The following GPCPD1 variants were observed in gnomAD, a reference collection of about 807,000 sequenced individuals.
The protein encoded by GPCPD1 is glycerophosphocholine phosphodiesterase GPCPD1.
In GPCPD1, 29 loss-of-function variants were observed where a neutral mutation model predicts 89.2. The ratio of observed to expected loss-of-function variants is 0.33; its 90% CI spans 0.24 to 0.44. GPCPD1 has a LOEUF of 0.44. Among genes scored for constraint, GPCPD1 ranks in the 20% least tolerant of loss-of-function variants. The pLI is 1.00. For missense variants in GPCPD1, 594 were observed against 808.9 expected, an observed-to-expected ratio of 0.73 and a Z score of 3.22; for synonymous variants, 258 against 266.3, an observed-to-expected ratio of 0.97 and a Z score of 0.30.
intron 19 of GPCPD1, among the ~76,000 whole-genome samples, chr20:5,554,403 T>C (rs1443981611): frequency 6.6e-6 from 1 of 152,162 alleles, no homozygotes; most frequent in Non-Finnish European, 1.5e-5. Context: ...AGGCTGCTTC[T>C]CTTGTTAGGG....
chr20:5,595,300 A>G (rs1231886039), intron 3 of GPCPD1, among the ~76,000 whole-genome samples: 1 of 152,028 alleles, frequency 6.6e-6, no homozygotes, highest in African/African-American at 2.4e-5. Flanking sequence ...GTATAATAAT[A>G]AAAAATAAAT....
chr20:5,604,774 TACACACACAC>T (rs11466989), intron 1 of GPCPD1, among the ~76,000 whole-genome samples: 5 of 139,176 alleles, frequency 3.6e-5, no homozygotes, highest in African/African-American at 8.2e-5. Context: ...GCCTCATGTC[TACACACACAC>T]ACACACACAC....
intron 11 of GPCPD1, among the ~76,000 whole-genome samples, chr20:5,572,626 A>G (rs1233335754): frequency 6.6e-6 from 1 of 152,250 alleles, no homozygotes; most frequent in African/African-American, 2.4e-5. Flanking sequence ...CACTGTGGAA[A>G]AAGTGGAAAT....
intron 11 of GPCPD1, 91 bp downstream of exon 11, chr20:5,573,824 T>C (rs1986856203): frequency 2.5e-6 from 2 of 795,534 alleles, no homozygotes; most frequent in Non-Finnish European, 4.5e-6. Flanking sequence ...TGCCAAGAGA[T>C]ATTCCCCTAA....
intron 4 of GPCPD1, among the ~76,000 whole-genome samples, chr20:5,592,262 T>C (rs573419339): frequency 2.9e-4 from 44 of 152,324 alleles, no homozygotes; most frequent in African/African-American, 1.0e-3. Flanking sequence ...GCTTAAGTTA[T>C]ACTAAAGAAC....
At chr20:5,596,883 C>A (rs1300670781) in intron 3 of GPCPD1, among the ~76,000 whole-genome samples, 3 of 152,220 alleles carry the variant, frequency 2.0e-5, no homozygotes, top group Admixed American at 1.3e-4. Context: ...TGAATCAATT[C>A]TATTTCATTG....
intron 10 of GPCPD1, among the ~76,000 whole-genome samples, chr20:5,574,295 T>C (rs181227815): frequency 2.3e-4 from 35 of 152,250 alleles, no homozygotes; most frequent in Non-Finnish European, 3.5e-4. Flanking sequence ...AATAGAGACA[T>C]AGAAACCTGC....
At chr20:5,549,470 T>C (rs1176003147) in intron 19 of GPCPD1, 1 of 1,212,334 alleles carries the variant, frequency 8.2e-7, no homozygotes, top group African/African-American at 1.5e-5. Flanking sequence ...TAAAAATAGG[T>C]TTGTTGTTTA....
rs753145926 is a variant in GPCPD1, at chr20:5,561,607, A to G, written c.1330-77T>C. On this transcript the variant is annotated intron_variant, in intron 15 of 19. Transcript: ENST00000379019. ...ATAAGAAAACAAAAAAAATACAATT[A>G]TTACTAAAAATAATAAGAATTTATC... The G allele has an allele frequency of 6.1e-6, 4 of 655,526 alleles. 1 individual carries two copies. The highest frequency in any genetic ancestry group is 1.1e-5 in the Non-Finnish European group (4 of 372,120). 40.6% of individuals were successfully genotyped at this position (655,526 alleles called of 1,614,324 possible). A position where few individuals can be genotyped will look rare whatever the true frequency, so the allele number is the denominator to read the frequency against.
intron 19 of GPCPD1, chr20:5,549,065 C>T: frequency 3.1e-6 from 2 of 650,196 alleles, no homozygotes; most frequent in Non-Finnish European, 2.8e-6. Flanking sequence ...CAACCATATC[C>T]AGTTGTCTAG....
chr20:5,591,742 G>A (rs1457177365), intron 4 of GPCPD1, among the ~76,000 whole-genome samples: 2 of 152,118 alleles, frequency 1.3e-5, no homozygotes, highest in African/African-American at 4.8e-5. Flanking sequence ...CTTTTTTAAA[G>A]TGTCACATTA....
rs766857383 is a variant in GPCPD1, at chr20:5,584,342, G to C, written c.308-20C>G. On this transcript the variant is annotated intron_variant, in intron 5 of 19. Coordinates refer to ENST00000379019, the MANE Select transcript of GPCPD1 (RefSeq NM_019593.5). The stretch of plus-strand genomic sequence containing the variant: ...CGCTTTCTAGAATTTAAGGAAAATA[G>C]AAAATTTAGTTAAAACTCTTGATGC... 4.2e-6 allele frequency: 5 copies of C among 1,181,334 alleles called. No individual in the cohort carries two copies. In the East Asian group the frequency reaches 9.5e-5, roughly 22 times the overall value. The allele number at this position is 1,181,334 out of a possible 1,614,324, so 73.2% of individuals were successfully genotyped here. A position where few individuals can be genotyped will look rare whatever the true frequency, so the allele number is the denominator to read the frequency against.
rs1306120670 is a variant in GPCPD1 at position 5,546,311 on chromosome 20, T to C, written c.*1350A>G. ...TAGGTTCTCAGCTACTACCAAAATATGTCAATATATGAATAAACTGCCTTG... is the reference window on the plus strand; with the variant it reads ...TAGGTTCTCAGCTACTACCAAAATACGTCAATATATGAATAAACTGCCTTG... On this transcript the variant is annotated 3_prime_UTR_variant, in exon 20 of 20. Transcript: ENST00000379019. 2 of 152,194 alleles carry C rather than the reference T, an allele frequency of 1.3e-5. No homozygotes were observed. The highest frequency in any genetic ancestry group is 4.8e-5 in the African/African-American group (2 of 41,436). The allele number at this position is 152,194 out of a possible 1,614,324, so 9.4% of individuals were successfully genotyped here.
rs140766515 is a variant in GPCPD1, at chr20:5,603,810, G to A, written c.49+554C>T. Among the ~76,000 whole-genome samples, 1,280 of 148,690 alleles carry A rather than the reference G, an allele frequency of 8.6e-3. 18 individuals are homozygous for A. Among genetic ancestry groups the A allele is most frequent in the African/African-American group, 0.029 (1,171 of 40,116 alleles). ...CACCCAGGGTGGAGTGCAATGGCAC[G>A]ATCTCAGGTCACTGCAACCTCTGCC... On this transcript the variant is annotated intron_variant, in intron 2 of 19. Transcript: ENST00000379019.
intron 3 of GPCPD1, among the ~76,000 whole-genome samples, chr20:5,594,699 G>T (rs572059814): frequency 4.6e-5 from 7 of 152,302 alleles, no homozygotes; most frequent in African/African-American, 1.7e-4. Flanking sequence ...GCTAAGACAG[G>T]TTTTAGGGCA....
At chr20:5,610,510 C>G (rs934507790) in intron 1 of GPCPD1, among the ~76,000 whole-genome samples, 1 of 152,174 alleles carries the variant, frequency 6.6e-6, no homozygotes, top group African/African-American at 2.4e-5. Flanking sequence ...CGACTCAGTA[C>G]TCTGCATATT....
chr20:5,553,598 G>C (rs1275293337), intron 19 of GPCPD1, among the ~76,000 whole-genome samples: 1 of 152,202 alleles, frequency 6.6e-6, no homozygotes, highest in Non-Finnish European at 1.5e-5. Context: ...AGTCCTTGAA[G>C]GAAATTGAAA....
chr20:5,553,025 T>TC (rs1377938899), intron 19 of GPCPD1, among the ~76,000 whole-genome samples: 1 of 152,138 alleles, frequency 6.6e-6, no homozygotes, highest in African/African-American at 2.4e-5. Flanking sequence ...TGGGGTCTTC[T>TC]CCCAAAGTGC....
At chr20:5,565,706 A>AAG (rs10638460) in intron 14 of GPCPD1, among the ~76,000 whole-genome samples, 39,436 of 152,004 alleles carry the variant, frequency 0.26, 6,539 homozygotes, top group South Asian at 0.37. Context: ...AAGTAGTCAC[A>AAG]AGCTGTGATT....
Sources: gnomAD v4.1 joint callset for allele counts (sites outside exome capture counted in the v4.1 genomes callset) on GRCh38, gnomAD v4.1.1 for gene constraint, MANE v1.5 for transcripts, NCBI Gene and HGNC (gene_info 2026-07-23, HGNC 2026-07-21) for gene names.